ATP8B4: variants seen among roughly 807,000 people sequenced by gnomAD.
ATP8B4 encodes the protein probable phospholipid-transporting ATPase IM.
A neutral mutation model predicts 145.6 loss-of-function variants in ATP8B4; 133 were observed. The ratio of observed to expected loss-of-function variants is 0.91; its 90% CI spans 0.79 to 1.05. The LOEUF is 1.05. Among genes scored for constraint, ATP8B4 ranks in the 50% least tolerant of loss-of-function variants. The probability of loss-of-function intolerance (pLI) is 0.00; values close to 1 mark genes in which losing one functional copy is unlikely to be tolerated. For missense variants in ATP8B4, 1,458 were observed against 1,425.2 expected (o/e 1.02, Z -0.37); for synonymous variants, 507 against 492.9 (o/e 1.03, Z -0.38).
intron 2 of ATP8B4, among the ~76,000 whole-genome samples, chr15:50,104,379 C>A (rs2056553806): frequency 6.6e-6 from 1 of 151,374 alleles, no homozygotes; most frequent in African/African-American, 2.4e-5. Flanking sequence ...AACAAATCAG[C>A]AAGAAAAAAA....
In ATP8B4 at chr15:50,049,812, TA is replaced by T. The variant is rs950140909; in HGVS notation, c.88-2349del. Reference sequence around the variant, plus strand: ...TTTTCTCTGCAACCTCAACATCTGTTATTTTTTTTTCTTTTTTTACTTTTTA... The same window carrying T: ...TTTTCTCTGCAACCTCAACATCTGTTTTTTTTTTTCTTTTTTTACTTTTTA... On this transcript the variant is annotated intron_variant, in intron 3 of 27. Coordinates refer to ENST00000284509, the MANE Select transcript of ATP8B4 (RefSeq NM_024837.4). Among the ~76,000 whole-genome samples the T allele has an allele frequency of 3.3e-5, 5 of 152,206 alleles. 1 individual carries two copies. The highest frequency in any genetic ancestry group is 7.2e-5 in the African/African-American group (3 of 41,448).
At chr15:49,881,663 T>A (rs2035443974) in intron 23 of ATP8B4, among the ~76,000 whole-genome samples, 1 of 152,106 alleles carries the variant, frequency 6.6e-6, no homozygotes, top group Non-Finnish European at 1.5e-5. Context: ...CAGGCAACCA[T>A]GAGAACAGAC....
At chr15:49,994,044 TAAGC>T (rs1247370191) in intron 9 of ATP8B4, among the ~76,000 whole-genome samples, 2 of 152,188 alleles carry the variant, frequency 1.3e-5, no homozygotes, top group Non-Finnish European at 2.9e-5. Flanking sequence ...TTTTTATATA[TAAGC>T]AAGTCCTTTA....
At chr15:49,876,175 CT>C in intron 25 of ATP8B4, 102 bp downstream of exon 25, 1 of 1,457,734 alleles carries the variant, frequency 6.9e-7, no homozygotes, top group Non-Finnish European at 9.2e-7. Context: ...CCCAGTATTC[CT>C]TTAGGATTAT....
At chr15:50,070,084 T>C (rs1487448860) in intron 3 of ATP8B4, among the ~76,000 whole-genome samples, 1 of 152,224 alleles carries the variant, frequency 6.6e-6, no homozygotes, top group East Asian at 1.9e-4. Flanking sequence ...AAGTTTAATA[T>C]AGTACAGTGC....
chr15:50,129,626 T>C (rs2057331220), intron 1 of ATP8B4, among the ~76,000 whole-genome samples: 1 of 152,140 alleles, frequency 6.6e-6, no homozygotes, highest in South Asian at 2.1e-4. Flanking sequence ...TAAGGCCACA[T>C]TCCAACATTC....
At chr15:50,176,212 A>T (rs1385521387) in intron 1 of ATP8B4, among the ~76,000 whole-genome samples, 1 of 152,150 alleles carries the variant, frequency 6.6e-6, no homozygotes, top group Non-Finnish European at 1.5e-5. Context: ...AATTAACAGC[A>T]TTTGCAGTGA....
intron 6 of ATP8B4, among the ~76,000 whole-genome samples, chr15:50,020,270 GT>G (rs778979345): frequency 2.0e-3 from 250 of 125,368 alleles, no homozygotes; most frequent in Non-Finnish European, 2.1e-3. Flanking sequence ...TGAGTTTTTT[GT>G]TTTTTTTTTT....
chr15:50,167,395 T>C lies in ATP8B4; in HGVS notation c.-43+14866A>G, dbSNP rs183662115. 1.3e-4 allele frequency among the ~76,000 whole-genome samples: 20 copies of C among 152,290 alleles called. No individual in the cohort carries two copies. In the East Asian group the frequency reaches 3.7e-3, roughly 28 times the overall value. On this transcript the variant is annotated intron_variant, in intron 1 of 3. Transcript: ENST00000558829. ...ATACCTTTTAGTGCCTGCTAGCAAC[T>C]TTTGACATTCCTTGGCTTGTAGAAA... is the stretch of plus-strand genomic sequence containing the variant.
intron 25 of ATP8B4, among the ~76,000 whole-genome samples, chr15:49,871,209 T>C (rs893581029): frequency 5.3e-5 from 8 of 152,242 alleles, no homozygotes; most frequent in Admixed American, 3.9e-4. Flanking sequence ...TTACATTTCA[T>C]AGGACCATAA....
intron 5 of ATP8B4, among the ~76,000 whole-genome samples, chr15:50,039,785 T>G (rs1427095691): frequency 6.6e-6 from 1 of 152,138 alleles, no homozygotes; most frequent in Non-Finnish European, 1.5e-5. Context: ...CAACCAGCCC[T>G]TTTCCTTTTT....
At chr15:49,919,090 T>A in intron 18 of ATP8B4, 140 bp from the exon 19 acceptor site, 1 of 650,190 alleles carries the variant, frequency 1.5e-6, no homozygotes, top group Non-Finnish European at 2.6e-6. Flanking sequence ...ATAGCAGGCA[T>A]CCTATTTTGT....
intron 3 of ATP8B4, among the ~76,000 whole-genome samples, chr15:50,056,553 G>T (rs1308086088): frequency 1.3e-5 from 2 of 152,112 alleles, no homozygotes; most frequent in Non-Finnish European, 2.9e-5. Context: ...GTGGGAATAC[G>T]TGTCCCCTAG....
intron 23 of ATP8B4, among the ~76,000 whole-genome samples, chr15:49,891,787 T>G (rs1300121190): frequency 6.6e-6 from 1 of 152,150 alleles, no homozygotes; most frequent in East Asian, 1.9e-4. Flanking sequence ...GTCATGTGAC[T>G]CACAGATGAG....
chr15:49,908,823 A>G (rs2153441635), intron 20 of ATP8B4, among the ~76,000 whole-genome samples: 1 of 151,964 alleles, frequency 6.6e-6, no homozygotes, highest in Middle Eastern at 3.4e-3. Context: ...CAACCCCACT[A>G]CCCTTCCAGC....
chr15:50,173,534 G>A (rs202220105), intron 1 of ATP8B4, among the ~76,000 whole-genome samples: 2,538 of 152,140 alleles, frequency 0.017, 56 homozygotes, highest in East Asian at 0.099. Context: ...CTAATCTCAA[G>A]TACCCAGGGA....
intron 13 of ATP8B4, among the ~76,000 whole-genome samples, chr15:49,964,784 A>C (rs935075210): frequency 1.2e-4 from 18 of 152,230 alleles, no homozygotes; most frequent in African/African-American, 4.1e-4. Context: ...TAGGACATTT[A>C]TCACAAAATG....
chr15:49,985,388 G>T (rs560522966), intron 10 of ATP8B4, among the ~76,000 whole-genome samples: 1 of 152,154 alleles, frequency 6.6e-6, no homozygotes, highest in African/African-American at 2.4e-5. Flanking sequence ...GAGCCACCGC[G>T]CCCAGCAGAT....
chr15:50,159,845 TC>T (rs1169661751), intron 1 of ATP8B4, among the ~76,000 whole-genome samples: 5 of 152,174 alleles, frequency 3.3e-5, no homozygotes. Flanking sequence ...TGATGAATGA[TC>T]TTTTTAATGT....
Sources: gnomAD v4.1 joint callset for allele counts (sites outside exome capture counted in the v4.1 genomes callset) on GRCh38, gnomAD v4.1.1 for gene constraint, MANE v1.5 for transcripts, NCBI Gene and HGNC (gene_info 2026-07-23, HGNC 2026-07-21) for gene names.